Variants in DIAPH2 observed in about 807,000 individuals in gnomAD.
The protein encoded by DIAPH2 is diaphanous related formin 2.
DIAPH2 carries 35 observed loss-of-function variants against 92.7 expected under a neutral mutation model. The observed-to-expected ratio is 0.38, with a 90% confidence interval of 0.29 to 0.50. The LOEUF (loss-of-function observed/expected upper bound fraction) is 0.50. Ranked by LOEUF, DIAPH2 falls within the 20% of genes least tolerant of loss-of-function variation. The pLI is 0.94. For missense variants in DIAPH2, 701 were observed against 819.5 expected, an observed-to-expected ratio of 0.86 and a Z score of 1.77; for synonymous variants, 301 against 280.4, an observed-to-expected ratio of 1.07 and a Z score of -0.73.
In DIAPH2 at chrX:97,011,361, G is replaced by A. The variant is rs189369050; in HGVS notation, c.2050+46154G>A. On this transcript the variant is annotated intron_variant, in intron 17 of 26. Coordinates refer to ENST00000324765, the MANE Select transcript of DIAPH2 (RefSeq NM_006729.5). ...AAAAAATTTTGAGGATCTGCCATAC[G>A]TTATGTTCTGTTTGGGCTGGGCTAA... 3.1e-3 allele frequency among the ~76,000 whole-genome samples: 345 copies of A among 111,709 alleles called. 2 individuals carry two copies. The highest frequency in any genetic ancestry group is 4.6e-3 in the Middle Eastern group (1 of 218).
chrX:97,582,571 A>T (rs1401740873), intron 26 of DIAPH2, among the ~76,000 whole-genome samples: 1 of 108,559 alleles, frequency 9.2e-6, no homozygotes, highest in Admixed American at 9.8e-5. Flanking sequence ...CTTCCCTTTG[A>T]GGGTAACCCG....
intron 4 of DIAPH2, among the ~76,000 whole-genome samples, chrX:96,805,366 A>G (rs758912025): frequency 3.2e-4 from 35 of 110,470 alleles, no homozygotes; most frequent in Middle Eastern, 9.2e-3. Context: ...GGAGAATGTG[A>G]TACTTGAGCA....
intron 17 of DIAPH2, among the ~76,000 whole-genome samples, chrX:97,028,288 C>T (rs186845015): frequency 1.1e-3 from 117 of 111,314 alleles, no homozygotes; most frequent in Non-Finnish European, 1.7e-3. Context: ...ATGTTTGTTA[C>T]TCTACTGAAA....
chrX:97,380,886 T>G (rs1444193203), intron 24 of DIAPH2, among the ~76,000 whole-genome samples: 1 of 111,965 alleles, frequency 8.9e-6, no homozygotes, highest in Admixed American at 9.5e-5. Flanking sequence ...ACAGAAATGG[T>G]TTTTTTAATT....
chrX:97,068,080 A>G (rs2066645311), intron 17 of DIAPH2, among the ~76,000 whole-genome samples: 1 of 112,041 alleles, frequency 8.9e-6, no homozygotes, highest in African/African-American at 3.2e-5. Flanking sequence ...ATCTTCATCA[A>G]TACTTGGTAT....
intron 26 of DIAPH2, among the ~76,000 whole-genome samples, chrX:97,438,754 G>C (rs1339671845): frequency 1.8e-5 from 2 of 111,147 alleles, no homozygotes; most frequent in East Asian, 5.6e-4. Flanking sequence ...GGAAAGAAAA[G>C]TAGTTAGAAG....
chrX:96,975,962 T>C (rs1305547524), intron 17 of DIAPH2, among the ~76,000 whole-genome samples: 2 of 110,256 alleles, frequency 1.8e-5, no homozygotes, highest in East Asian at 5.8e-4. Flanking sequence ...TTGCAATACC[T>C]GTACATAATT....
chrX:96,871,774 C>T (rs758694669), intron 4 of DIAPH2, among the ~76,000 whole-genome samples: 2 of 112,180 alleles, frequency 1.8e-5, no homozygotes, highest in South Asian at 7.3e-4. Context: ...CATATGTTCA[C>T]ACAAAAACCT....
chrX:97,261,375 T>C (rs771174904), intron 23 of DIAPH2, among the ~76,000 whole-genome samples: 1 of 112,158 alleles, frequency 8.9e-6, no homozygotes, highest in East Asian at 2.8e-4. Context: ...TTATGTTTGC[T>C]TAAAATGCCA....
intron 23 of DIAPH2, among the ~76,000 whole-genome samples, chrX:97,312,898 G>C (rs780220352): frequency 4.5e-5 from 5 of 110,291 alleles, no homozygotes; most frequent in Non-Finnish European, 9.5e-5. Flanking sequence ...GCAGCTTTTG[G>C]CTGGGCGCGG....
At chrX:97,085,680 G>T (rs954388729) in intron 19 of DIAPH2, among the ~76,000 whole-genome samples, 1 of 111,642 alleles carries the variant, frequency 9.0e-6, no homozygotes, top group African/African-American at 3.3e-5. Flanking sequence ...GCCTCCCAAA[G>T]TGCTAGGATT....
At chrX:97,063,776 T>C (rs148520110) in intron 17 of DIAPH2, among the ~76,000 whole-genome samples, 58 of 112,423 alleles carry the variant, frequency 5.2e-4, no homozygotes, top group African/African-American at 1.8e-3. Flanking sequence ...TTGACCTCAG[T>C]TGCAGAAGGA....
intron 25 of DIAPH2, among the ~76,000 whole-genome samples, chrX:97,395,930 C>T (rs905577710): frequency 6.2e-5 from 7 of 112,060 alleles, no homozygotes. Context: ...GTAACACTGG[C>T]AGTTACAAAT....
intron 23 of DIAPH2, among the ~76,000 whole-genome samples, chrX:97,299,879 A>T (rs2068679187): frequency 8.9e-6 from 1 of 112,241 alleles, no homozygotes; most frequent in African/African-American, 3.2e-5. Flanking sequence ...AAATGCATTC[A>T]AAATCAAATA....
chrX:96,701,826 C>T (rs185960236), intron 1 of DIAPH2, among the ~76,000 whole-genome samples: 33 of 111,661 alleles, frequency 3.0e-4, no homozygotes, highest in Admixed American at 1.3e-3. Context: ...AGGGAACTAA[C>T]GTTTAGTGAG....
chrX:96,805,498 G>A (rs1439161213), intron 4 of DIAPH2, among the ~76,000 whole-genome samples: 1 of 110,690 alleles, frequency 9.0e-6, no homozygotes, highest in Non-Finnish European at 1.9e-5. Flanking sequence ...CATTATTTAG[G>A]TGGTCAAAAC....
At chrX:97,089,944 G>T in intron 19 of DIAPH2, among the ~76,000 whole-genome samples, 1 of 111,134 alleles carries the variant, frequency 9.0e-6, no homozygotes, top group South Asian at 3.8e-4. Flanking sequence ...TCGGCAAGAT[G>T]GTCTCGAACT....
intron 4 of DIAPH2, among the ~76,000 whole-genome samples, chrX:96,768,271 T>A (rs1200751768): frequency 8.9e-6 from 1 of 111,934 alleles, no homozygotes; most frequent in Non-Finnish European, 1.9e-5. Flanking sequence ...TAAGAGGTAA[T>A]TTAATAAGTT....
intron 9 of DIAPH2, among the ~76,000 whole-genome samples, chrX:96,929,281 C>A (rs1381700640): frequency 9.0e-6 from 1 of 111,097 alleles, no homozygotes; most frequent in Non-Finnish European, 1.9e-5. Context: ...GTTAAGTAAT[C>A]CATTAAAGCA....
Sources: gnomAD v4.1 joint callset for allele counts (sites outside exome capture counted in the v4.1 genomes callset) on GRCh38, gnomAD v4.1.1 for gene constraint, MANE v1.5 for transcripts, NCBI Gene and HGNC (gene_info 2026-07-23, HGNC 2026-07-21) for gene names.